ERI3: variants seen among roughly 807,000 people sequenced by gnomAD.
The protein encoded by ERI3 is ERI1 exoribonuclease 3.
A neutral mutation model predicts 44.4 loss-of-function variants in ERI3; 18 were observed. The ratio of observed to expected loss-of-function variants is 0.41; its 90% CI spans 0.28 to 0.60. The LOEUF (loss-of-function observed/expected upper bound fraction) is 0.60. Among genes scored for constraint, ERI3 ranks in the 20% least tolerant of loss-of-function variants. The pLI, the probability that ERI3 is intolerant of heterozygous loss-of-function variation, is 0.36. For synonymous variants in ERI3, 183 were observed against 164.8 expected (o/e 1.11, Z -0.84); for missense variants, 294 against 435.5 (o/e 0.68, Z 2.89).
At chr1:44,255,325 C>T (rs961878154) in intron 7 of ERI3, among the ~76,000 whole-genome samples, 7 of 152,158 alleles carry the variant, frequency 4.6e-5, no homozygotes, top group African/African-American at 4.8e-5. Context: ...TACCTGCCTT[C>T]GCCATTTTGC....
chr1:44,231,157 G>A (rs568717205), intron 8 of ERI3, among the ~76,000 whole-genome samples: 12 of 152,084 alleles, frequency 7.9e-5, no homozygotes, highest in African/African-American at 1.7e-4. Context: ...AAGTTTTGAC[G>A]GCGACCCATC....
intron 6 of ERI3, among the ~76,000 whole-genome samples, chr1:44,305,643 G>A (rs1645817079): frequency 6.6e-6 from 1 of 152,214 alleles, no homozygotes; most frequent in African/African-American, 2.4e-5. Context: ...CAGGATGGGA[G>A]CAGATTTCTT....
At chr1:44,340,502 G>C (rs1237004193) in intron 2 of ERI3, among the ~76,000 whole-genome samples, 1 of 152,232 alleles carries the variant, frequency 6.6e-6, no homozygotes, top group African/African-American at 2.4e-5. Context: ...ATAGGGTAGA[G>C]GGATAGCACC....
At chr1:44,265,145 C>T (rs576036517) in intron 7 of ERI3, among the ~76,000 whole-genome samples, 5 of 54,704 alleles carry the variant, frequency 9.1e-5, no homozygotes, top group Admixed American at 6.9e-4. Flanking sequence ...CCCCCAGAAG[C>T]GGGAAGGAGA....
chr1:44,257,328 ATCCT>A (rs1644802589), intron 7 of ERI3, among the ~76,000 whole-genome samples: 2 of 112,380 alleles, frequency 1.8e-5, no homozygotes, highest in Admixed American at 2.0e-4. Flanking sequence ...ACCCACCCCC[ATCCT>A]AGCTCCCCCA....
chr1:44,280,344 C>T (rs560881448), intron 7 of ERI3, among the ~76,000 whole-genome samples: 7 of 152,254 alleles, frequency 4.6e-5, no homozygotes, highest in Admixed American at 3.9e-4. Flanking sequence ...CTGACTAAAC[C>T]ATTTAATACT....
At chr1:44,265,307 C>T (rs1180220583) in intron 7 of ERI3, among the ~76,000 whole-genome samples, 1 of 152,228 alleles carries the variant, frequency 6.6e-6, no homozygotes, top group Non-Finnish European at 1.5e-5. Flanking sequence ...CACTCCCGCA[C>T]AGGTGGCAGA....
intron 8 of ERI3, among the ~76,000 whole-genome samples, chr1:44,245,203 C>T (rs1459699596): frequency 6.6e-6 from 1 of 152,086 alleles, no homozygotes. Flanking sequence ...CTCTTTGGTG[C>T]GAGGGCCATT....
At chr1:44,234,069 T>C (rs1644249907) in intron 8 of ERI3, among the ~76,000 whole-genome samples, 1 of 152,196 alleles carries the variant, frequency 6.6e-6, no homozygotes. Flanking sequence ...GAACACTCCC[T>C]TTCTTTTGAT....
chr1:44,307,611 G>T (rs1196346998), intron 6 of ERI3, among the ~76,000 whole-genome samples: 1 of 152,186 alleles, frequency 6.6e-6, no homozygotes, highest in Non-Finnish European at 1.5e-5. Flanking sequence ...TGTCAACCCA[G>T]CAAAGGAACC....
Position 44,258,906 on chromosome 1 carries a change from C to T in ERI3, c.832-10868G>A, listed in dbSNP as rs79310506. Among the ~76,000 whole-genome samples the T allele has an allele frequency of 8.0e-3, 1,222 of 152,304 alleles. 16 individuals are homozygous for T. Among genetic ancestry groups the T allele is most frequent in the African/African-American group, 0.027 (1,132 of 41,556 alleles). On this transcript the variant is annotated intron_variant, in intron 7 of 8. Transcript: ENST00000372257. ...AAGGTTGAAATTCCAGCCTCCAGAG[C>T]TAAGGCCCAAAGAACCTTCTCTTTG... is the stretch of plus-strand genomic sequence containing the variant.
At chr1:44,305,796 G>C (rs1235226104) in intron 6 of ERI3, among the ~76,000 whole-genome samples, 1 of 152,212 alleles carries the variant, frequency 6.6e-6, no homozygotes, top group South Asian at 2.1e-4. Flanking sequence ...AGGAACCATG[G>C]CTTCCGGAAA....
At chr1:44,281,971 G>C (rs1404434219) in intron 7 of ERI3, among the ~76,000 whole-genome samples, 1 of 150,958 alleles carries the variant, frequency 6.6e-6, no homozygotes, top group Non-Finnish European at 1.5e-5. Context: ...ATCTCCTGGA[G>C]GGAGCTGGGA....
intron 6 of ERI3, among the ~76,000 whole-genome samples, chr1:44,296,618 T>G (rs536644708): frequency 1.4e-4 from 21 of 152,282 alleles, no homozygotes; most frequent in African/African-American, 5.1e-4. Context: ...CCAAAACTAC[T>G]GGCAGGTGAA....
intron 8 of ERI3, chr1:44,242,070 C>T (rs901771048): frequency 1.0e-6 from 1 of 985,406 alleles, no homozygotes; most frequent in South Asian, 4.7e-5. Context: ...CCAGGCAGGC[C>T]AGTGCAGACC....
intron 8 of ERI3, among the ~76,000 whole-genome samples, chr1:44,224,978 G>A (rs2154315008): frequency 6.6e-6 from 1 of 152,298 alleles, no homozygotes; most frequent in African/African-American, 2.4e-5. Flanking sequence ...CTGCTAGAAA[G>A]TGAGGAAGCT....
At chr1:44,288,900 C>G (rs1379955036) in intron 6 of ERI3, among the ~76,000 whole-genome samples, 1 of 152,030 alleles carries the variant, frequency 6.6e-6, no homozygotes, top group Non-Finnish European at 1.5e-5. Flanking sequence ...TACATTCCTA[C>G]CAGATTGTGA....
At position 44,228,888 on chromosome 1, in the gene ERI3, A is replaced by G. The variant is rs1644111020; in HGVS notation, c.932-7248T>C. On this transcript the variant is annotated intron_variant, in intron 8 of 8. Transcript: ENST00000372257. The surrounding 1 kb of genome is among the most constrained non-coding windows in gnomAD (Gnocchi z 4.3). ...AAATGCCAAAGATGATACCCAAGACAAACCCTTATCCAGACTCCCAGGCCT... is the reference window on the plus strand; with the variant it reads ...AAATGCCAAAGATGATACCCAAGACGAACCCTTATCCAGACTCCCAGGCCT... Among the ~76,000 whole-genome samples the G allele has an allele frequency of 2.0e-5, 3 of 152,234 alleles. No homozygotes were observed. The highest frequency in any genetic ancestry group is 7.2e-5 in the African/African-American group (3 of 41,454).
At chr1:44,338,939 A>G (rs1301316641) in intron 3 of ERI3, 106 bp downstream of exon 3, 1 of 1,362,174 alleles carries the variant, frequency 7.3e-7, no homozygotes, top group African/African-American at 1.5e-5. Context: ...GAGTAGCTAA[A>G]AGACAGGAAG....
Sources: gnomAD v4.1 joint callset for allele counts (sites outside exome capture counted in the v4.1 genomes callset) on GRCh38, gnomAD v4.1.1 for gene constraint, Gnocchi (gnomAD v3.1) non-coding constraint, MANE v1.5 for transcripts, NCBI Gene and HGNC (gene_info 2026-07-23, HGNC 2026-07-21) for gene names.